KAT6A: variants seen among roughly 807,000 people sequenced by gnomAD.
The protein encoded by KAT6A is lysine acetyltransferase 6A, also known as histone acetyltransferase KAT6A.
A neutral mutation model predicts 198.4 loss-of-function variants in KAT6A; 9 were observed. The ratio of observed to expected loss-of-function variants is 0.05; its 90% CI spans 0.03 to 0.08. The LOEUF (loss-of-function observed/expected upper bound fraction) is 0.08, where lower values mean the gene tolerates loss of function less well. Among genes scored for constraint, KAT6A ranks in the 10% least tolerant of loss-of-function variants. The pLI, the probability that KAT6A is intolerant of heterozygous loss-of-function variation, is 1.00. For synonymous variants in KAT6A, 890 were observed against 883.0 expected (o/e 1.01, Z -0.14); for missense variants, 2,077 against 2,509.9 (o/e 0.83, Z 3.69).
chr8:41,946,798 T>G lies in KAT6A; in HGVS notation c.1903-114A>C, dbSNP rs149893268. 2.6e-4 allele frequency: 167 copies of G among 653,002 alleles called. 2 individuals are homozygous for G. In the African/African-American group the frequency reaches 3.1e-3, roughly 12 times the overall value. 40.5% of individuals were successfully genotyped at this position (653,002 alleles called of 1,614,324 possible). A position where few individuals can be genotyped will look rare whatever the true frequency, so the allele number is the denominator to read the frequency against. On this transcript the variant is annotated intron_variant, in intron 11 of 16. Coordinates refer to ENST00000265713, the MANE Select transcript of KAT6A (RefSeq NM_006766.5). Reference sequence around the variant, plus strand: ...ACCCACAGCCCTGGTCCTTTGGGAATAGCAACGTACATCAACAAACAACTA... The same window carrying G: ...ACCCACAGCCCTGGTCCTTTGGGAAGAGCAACGTACATCAACAAACAACTA...
At chr8:41,961,362 C>T (rs1823193857) in intron 8 of KAT6A, among the ~76,000 whole-genome samples, 1 of 152,230 alleles carries the variant, frequency 6.6e-6, no homozygotes, top group Non-Finnish European at 1.5e-5. Flanking sequence ...GAACATCACC[C>T]AGCAGTTCCC....
intron 13 of KAT6A, 105 bp downstream of exon 13, chr8:41,943,643 T>C: frequency 1.4e-6 from 1 of 690,568 alleles, no homozygotes; most frequent in Non-Finnish European, 2.5e-6. Context: ...ACCAAGTATA[T>C]CATTTATATT....
intron 2 of KAT6A, among the ~76,000 whole-genome samples, chr8:41,988,270 G>C (rs1430441766): frequency 1.3e-5 from 2 of 152,252 alleles, no homozygotes; most frequent in Non-Finnish European, 2.9e-5. Context: ...AAAGCACATA[G>C]CTTCTGCTAT....
At chr8:41,968,551 G>A (rs1481372483) in intron 8 of KAT6A, among the ~76,000 whole-genome samples, 2 of 152,194 alleles carry the variant, frequency 1.3e-5, no homozygotes, top group Non-Finnish European at 2.9e-5. Flanking sequence ...TTCAACCACT[G>A]TGGAAGTCAG....
In KAT6A at chr8:41,977,920, C is replaced by T. The variant is rs142680868; in HGVS notation, c.1044-593G>A. On this transcript the variant is annotated intron_variant, in intron 6 of 16. Coordinates refer to ENST00000265713, the MANE Select transcript of KAT6A (RefSeq NM_006766.5). ...TTATATCACCTTCAAGATAGTCTTA[C>T]GTGTAAAAAAAGTAAGTAAAACTTT... is the stretch of plus-strand genomic sequence containing the variant. 4.8e-3 allele frequency among the ~76,000 whole-genome samples: 729 copies of T among 152,156 alleles called. 7 individuals are homozygous for T. Among genetic ancestry groups the T allele is most frequent in the Non-Finnish European group, 4.8e-3 (329 of 68,004 alleles).
chr8:42,021,920 G>A (rs56941754), intron 2 of KAT6A, among the ~76,000 whole-genome samples: 15,751 of 152,188 alleles, frequency 0.1, 1,052 homozygotes, highest in East Asian at 0.24. Flanking sequence ...GTAAGACTCT[G>A]TCTCAAAAAC....
At chr8:42,009,112 T>G (rs192837520) in intron 2 of KAT6A, among the ~76,000 whole-genome samples, 2 of 152,270 alleles carry the variant, frequency 1.3e-5, no homozygotes, top group East Asian at 3.9e-4. Context: ...GTTTAATTCG[T>G]TGCGGAAAAT....
intron 2 of KAT6A, among the ~76,000 whole-genome samples, chr8:42,031,913 G>A (rs1361963962): frequency 8.6e-5 from 13 of 150,616 alleles, no homozygotes. Flanking sequence ...TTACAGGCGT[G>A]AGCCACCATG....
In KAT6A at chr8:41,932,216, T is replaced by C. The variant is rs777771800; in HGVS notation, c.6004A>G (p.Met2002Val). The C allele has an allele frequency of 2.8e-5, 45 of 1,585,136 alleles. 1 individual carries two copies. Among genetic ancestry groups the C allele is most frequent in the Middle Eastern group, 1.7e-4 (1 of 5,918 alleles). The change falls in exon 17 of 17, where the codon ATG becomes GTG. Residue 2002 changes from methionine to valine, a missense_variant. Met to Val is a conservative substitution (Grantham distance 21). Transcript: ENST00000265713. ...VPKQSLNGPY[M>V]RR is the part of the protein sequence containing the mutation. ...CAAGTTCATCTTGCTCATCTTCTCA[T>C]GTAAGGTCCGTTGAGTGACTGCTTG...
rs1462284444 is a variant in KAT6A, at chr8:41,931,237, C to CA, written c.*967dup. ...GCATCAAGACCCTCAGTTAGCATTT[C>CA]AAAGTACATACTAGAAACAAGAGGC... is the stretch of plus-strand genomic sequence containing the variant. On this transcript the variant is annotated 3_prime_UTR_variant, in exon 17 of 17. Coordinates refer to ENST00000265713, the MANE Select transcript of KAT6A (RefSeq NM_006766.5). The CA allele has an allele frequency of 5.0e-5, 11 of 221,136 alleles. No homozygotes were observed. The highest frequency in any genetic ancestry group is 9.1e-6 in the Non-Finnish European group (1 of 110,260). The allele number at this position is 221,136 out of a possible 1,614,324, so 13.7% of individuals were successfully genotyped here. A position where few individuals can be genotyped will look rare whatever the true frequency, so the allele number is the denominator to read the frequency against.
intron 9 of KAT6A, among the ~76,000 whole-genome samples, chr8:41,954,864 T>C (rs1822848469): frequency 6.6e-6 from 1 of 152,180 alleles, no homozygotes; most frequent in East Asian, 1.9e-4. Context: ...ACACCAATTG[T>C]CCAATTATTT....
At chr8:41,939,098 A>C (rs1821983486) in intron 15 of KAT6A, among the ~76,000 whole-genome samples, 1 of 152,186 alleles carries the variant, frequency 6.6e-6, no homozygotes, top group Admixed American at 6.5e-5. Context: ...TATCACGTAA[A>C]TATCTGGGCC....
rs1243058830 is a variant in KAT6A at position 41,930,237 on chromosome 8, A to T, written c.*1968T>A. 4.5e-6 allele frequency: 1 copy of T among 221,218 alleles called. No individual in the cohort carries two copies. Among genetic ancestry groups the T allele is most frequent in the Non-Finnish European group, 8.9e-6 (1 of 111,882 alleles). The allele number at this position is 221,218 out of a possible 1,614,324, so 13.7% of individuals were successfully genotyped here. Reference sequence around the variant, plus strand: ...CCTTGACCCACCCTCCTCCCAATATACCTCCCTCCCGACCCACCCCGTCCC... The same window carrying T: ...CCTTGACCCACCCTCCTCCCAATATTCCTCCCTCCCGACCCACCCCGTCCC... On this transcript the variant is annotated 3_prime_UTR_variant, in exon 17 of 17. Coordinates refer to ENST00000265713, the MANE Select transcript of KAT6A (RefSeq NM_006766.5).
Position 41,949,323 on chromosome 8 carries a change from T to A in KAT6A, c.1639A>T (p.Met547Leu). The A allele has an allele frequency of 6.4e-7, 1 of 1,569,106 alleles. No homozygotes were observed. The highest frequency in any genetic ancestry group is 2.4e-5 in the East Asian group (1 of 42,004). ...LYLCEFCLKY[M>L]KSRTILQQHM... is the part of the protein sequence containing the mutation. ...TGCTGCAGAATAGTTCTACTTTTCA[T>A]ATATTTTAGACAAAATTCACAAAGA... The change falls in exon 10 of 17, where the codon ATG becomes TTG. Residue 547 changes from methionine to leucine, a missense_variant. This residue lies in a region of KAT6A where 46 missense variants were observed against 88.2 expected (regional missense o/e 0.52). Transcript: ENST00000265713.
At chr8:42,002,404 T>C (rs1825540820) in intron 2 of KAT6A, among the ~76,000 whole-genome samples, 1 of 151,994 alleles carries the variant, frequency 6.6e-6, no homozygotes, top group Non-Finnish European at 1.5e-5. Flanking sequence ...CTTCTAAAAA[T>C]ACAAAAATTA....
intron 2 of KAT6A, among the ~76,000 whole-genome samples, chr8:42,043,039 T>A (rs553297243): frequency 6.6e-6 from 1 of 152,144 alleles, no homozygotes; most frequent in Non-Finnish European, 1.5e-5. Context: ...GTCATGATAC[T>A]TAATTGTTAT....
intron 9 of KAT6A, among the ~76,000 whole-genome samples, chr8:41,950,756 G>T (rs148024252): frequency 1.1e-4 from 16 of 152,134 alleles, no homozygotes; most frequent in African/African-American, 3.6e-4. Flanking sequence ...CCAACTGTTA[G>T]GTCTCAGCAC....
At chr8:41,972,025 G>A (rs1823819739) in intron 8 of KAT6A, among the ~76,000 whole-genome samples, 1 of 152,182 alleles carries the variant, frequency 6.6e-6, no homozygotes, top group South Asian at 2.1e-4. Flanking sequence ...ACATCTTGCT[G>A]TGGCCAGAAG....
At chr8:41,983,411 T>TTAAACTAGC (rs1480859394) in intron 3 of KAT6A, among the ~76,000 whole-genome samples, 2 of 152,248 alleles carry the variant, frequency 1.3e-5, no homozygotes, top group Admixed American at 1.3e-4. Flanking sequence ...ACTTTCCTGT[T>TTAAACTAGC]TAAACTAGCT....
Sources: gnomAD v4.1 joint callset for allele counts (sites outside exome capture counted in the v4.1 genomes callset) on GRCh38, gnomAD v4.1.1 for gene constraint, gnomAD v4.1.1 regional missense constraint, MANE v1.5 for transcripts, NCBI Gene and HGNC (gene_info 2026-07-23, HGNC 2026-07-21) for gene names.